The following HS6ST3 variants were observed in gnomAD, a reference collection of about 807,000 sequenced individuals.
HS6ST3 encodes the protein heparan-sulfate 6-O-sulfotransferase 3.
In HS6ST3, 12 loss-of-function variants were observed where a neutral mutation model predicts 36.7. The observed-to-expected ratio is 0.33, with a 90% CI of 0.21 to 0.53. The LOEUF is 0.53. Ranked by LOEUF, HS6ST3 falls within the 20% of genes least tolerant of loss-of-function variation. The pLI is 0.95. For missense variants in HS6ST3, 584 were observed against 640.9 expected, an observed-to-expected ratio of 0.91 and a Z score of 0.96; for synonymous variants, 240 against 257.5, an observed-to-expected ratio of 0.93 and a Z score of 0.65.
intron 1 of HS6ST3, among the ~76,000 whole-genome samples, chr13:96,672,357 C>A (rs1478624864): frequency 6.6e-6 from 1 of 152,032 alleles, no homozygotes; most frequent in East Asian, 1.9e-4. Context: ...AATTTTTGTG[C>A]CTGTCACTAA....
intron 1 of HS6ST3, among the ~76,000 whole-genome samples, chr13:96,679,053 C>T (rs1298986136): frequency 2.0e-5 from 3 of 150,374 alleles, no homozygotes; most frequent in Admixed American, 1.3e-4. Context: ...AGAAAGAAGT[C>T]ACTCCTGTAG....
chr13:96,284,465 A>G (rs1275719434), intron 1 of HS6ST3, among the ~76,000 whole-genome samples: 1 of 152,186 alleles, frequency 6.6e-6, no homozygotes, highest in Admixed American at 6.5e-5. Context: ...GCATGGGAGA[A>G]AGATATAGGC....
chr13:96,638,273 G>C (rs932556334), intron 1 of HS6ST3, among the ~76,000 whole-genome samples: 1 of 152,078 alleles, frequency 6.6e-6, no homozygotes, highest in Non-Finnish European at 1.5e-5. Flanking sequence ...TACAGTGAGG[G>C]CCTTTTACAT....
At chr13:96,553,090 A>G (rs1026564800) in intron 1 of HS6ST3, among the ~76,000 whole-genome samples, 4 of 152,168 alleles carry the variant, frequency 2.6e-5, no homozygotes, top group Non-Finnish European at 5.9e-5. Flanking sequence ...GACTGGAGAT[A>G]GTGTACCTTG....
rs1348106394 is a variant in HS6ST3 at position 96,725,939 on chromosome 13, G to A, written c.708-106551G>A. Among the ~76,000 whole-genome samples the A allele has an allele frequency of 2.0e-5, 3 of 152,118 alleles. No homozygotes were observed. In the East Asian group the frequency reaches 5.8e-4, roughly 29 times the overall value. ...GCAACCTGCACCTCCCAGGGTTCAA[G>A]TGATTCTCCGGCTTCAGCCTCCTGA... On this transcript the variant is annotated intron_variant, in intron 1 of 1. Coordinates refer to ENST00000376705, the MANE Select transcript of HS6ST3 (RefSeq NM_153456.4).
intron 1 of HS6ST3, among the ~76,000 whole-genome samples, chr13:96,288,184 G>A (rs1469978347): frequency 1.3e-5 from 2 of 152,174 alleles, no homozygotes; most frequent in African/African-American, 2.4e-5. Context: ...AGTCACTGAT[G>A]TAATCCCTCT....
At chr13:96,336,458 G>T (rs1183945681) in intron 1 of HS6ST3, among the ~76,000 whole-genome samples, 1 of 152,192 alleles carries the variant, frequency 6.6e-6, no homozygotes, top group Non-Finnish European at 1.5e-5. Context: ...TCTTTATAGA[G>T]GTAATTAAGT....
At chr13:96,444,874 T>C (rs1237397797) in intron 1 of HS6ST3, among the ~76,000 whole-genome samples, 1 of 152,190 alleles carries the variant, frequency 6.6e-6, no homozygotes, top group Non-Finnish European at 1.5e-5. Flanking sequence ...AAACAGCACT[T>C]TTACAGCTTT....
chr13:96,551,477 G>A (rs2056219187), intron 1 of HS6ST3, among the ~76,000 whole-genome samples: 2 of 152,070 alleles, frequency 1.3e-5, no homozygotes, highest in Admixed American at 1.3e-4. Context: ...TTCAACACTG[G>A]GATTATGGAC....
intron 1 of HS6ST3, among the ~76,000 whole-genome samples, chr13:96,428,888 C>A (rs17687228): frequency 6.6e-6 from 1 of 152,114 alleles, no homozygotes; most frequent in African/African-American, 2.4e-5. Flanking sequence ...ATGGGAGAAC[C>A]AAGCTGCTTA....
At chr13:96,817,461 T>C (rs968731008) in intron 1 of HS6ST3, among the ~76,000 whole-genome samples, 2 of 152,326 alleles carry the variant, frequency 1.3e-5, no homozygotes, top group South Asian at 2.1e-4. Flanking sequence ...TATACATTAA[T>C]AGGTAATATT....
intron 1 of HS6ST3, among the ~76,000 whole-genome samples, chr13:96,468,472 A>G (rs1311837064): frequency 2.3e-5 from 1 of 43,252 alleles, no homozygotes; most frequent in African/African-American, 7.2e-5. Flanking sequence ...CAGGACATAC[A>G]CACATACACA....
chr13:96,105,649 C>CAAAAAT (rs528112116), intron 1 of HS6ST3, among the ~76,000 whole-genome samples: 4 of 151,412 alleles, frequency 2.6e-5, no homozygotes, highest in African/African-American at 7.3e-5. Context: ...ATTTCTGTCT[C>CAAAAAT]AAAAATAAAA....
At chr13:96,807,859 C>A (rs1878233970) in intron 1 of HS6ST3, among the ~76,000 whole-genome samples, 2 of 142,420 alleles carry the variant, frequency 1.4e-5, no homozygotes. Context: ...GAGTGAGACT[C>A]CAACTCAAAA....
At chr13:96,538,135 T>C (rs1410966921) in intron 1 of HS6ST3, among the ~76,000 whole-genome samples, 3 of 152,016 alleles carry the variant, frequency 2.0e-5, no homozygotes, top group African/African-American at 4.8e-5. Context: ...AATTAGAGCC[T>C]GAGGTCCCCT....
chr13:96,495,661 A>G (rs1010589902), intron 1 of HS6ST3, among the ~76,000 whole-genome samples: 2 of 152,178 alleles, frequency 1.3e-5, no homozygotes, highest in Non-Finnish European at 2.9e-5. Context: ...CTCTAATATC[A>G]TTCTAGCCTG....
chr13:96,512,360 C>CT (rs1178578583), intron 1 of HS6ST3, among the ~76,000 whole-genome samples: 1 of 152,162 alleles, frequency 6.6e-6, no homozygotes, highest in Non-Finnish European at 1.5e-5. Context: ...ATTGAACTAA[C>CT]TGTTCTTGAA....
chr13:96,694,832 G>C (rs1191377670), intron 1 of HS6ST3, among the ~76,000 whole-genome samples: 2 of 151,806 alleles, frequency 1.3e-5, no homozygotes, highest in African/African-American at 4.8e-5. Context: ...CCGTGTATAT[G>C]TCTTCTTTTG....
intron 1 of HS6ST3, among the ~76,000 whole-genome samples, chr13:96,124,226 T>G (rs1427895830): frequency 6.6e-6 from 1 of 152,212 alleles, no homozygotes; most frequent in Non-Finnish European, 1.5e-5. Flanking sequence ...GTTGTTCTAC[T>G]GAATTGCCAG....
Sources: allele counts gnomAD v4.1 joint callset (sites outside exome capture counted in the v4.1 genomes callset), GRCh38; gene constraint gnomAD v4.1.1; transcripts MANE v1.5; gene names NCBI Gene and HGNC (gene_info 2026-07-23, HGNC 2026-07-21).